The following MTERF2 variants were observed in gnomAD, a reference collection of about 807,000 sequenced individuals.
MTERF2 encodes the protein mitochondrial transcription termination factor 2.
In MTERF2, 23 loss-of-function variants were observed where a neutral mutation model predicts 29.2. The ratio of observed to expected loss-of-function variants is 0.79; its 90% CI spans 0.57 to 1.12. MTERF2 has a LOEUF of 1.12. Among genes scored for constraint, MTERF2 ranks in the 50% most tolerant of loss-of-function variants. The pLI is 0.00. For missense variants in MTERF2, 440 were observed against 429.4 expected, an observed-to-expected ratio of 1.02 and a Z score of -0.22; for synonymous variants, 157 against 159.5, an observed-to-expected ratio of 0.98 and a Z score of 0.12.
intron 1 of MTERF2, 57 bp from the exon 2 acceptor site, chr12:106,985,282 A>AC (rs1282526932): frequency 2.0e-5 from 3 of 152,394 alleles, no homozygotes; most frequent in Admixed American, 1.3e-4. Flanking sequence ...GAAATGCCTT[A>AC]CCATGGCCTA....
At position 106,983,367 on chromosome 12, in the gene MTERF2, T is replaced by C. The variant is rs1162795446; in HGVS notation, c.-58+1748A>G. Among the ~76,000 whole-genome samples the C allele has an allele frequency of 2.0e-5, 3 of 152,218 alleles. No homozygotes were observed. In the East Asian group the frequency reaches 5.8e-4, roughly 29 times the overall value. On this transcript the variant is annotated intron_variant, in intron 2 of 2. Coordinates refer to ENST00000240050, the MANE Select transcript of MTERF2 (RefSeq NM_001033050.3). ...CTATTTTACTTTCTGTCTCTATGAA[T>C]TTGCCTATTCTAGGTACTTTTTATA...
At position 106,977,653 on chromosome 12, in the gene MTERF2, T is replaced by G. The variant is rs1490352219; in HGVS notation, c.1062A>C (p.Gly354=). The part of the protein sequence containing the change: ...IKDGHLANLN[G]SKKEFEANFG... The stretch of plus-strand genomic sequence containing the variant: ...AATTAGCTTCAAACTCTTTTTTTGA[T>G]CCATTTAGATTTGCTAGATGTCCAT... Residue 354 remains glycine, a synonymous_variant, in exon 3 of 3, where the codon GGA becomes GGC. Transcript: ENST00000240050. 1 of 1,614,036 alleles carries G rather than the reference T, an allele frequency of 6.2e-7. No homozygotes were observed. Among genetic ancestry groups the G allele is most frequent in the Non-Finnish European group, 8.5e-7 (1 of 1,179,958 alleles).
chr12:106,986,720 T>C (rs1952122369), intron 1 of MTERF2: 1 of 152,292 alleles, frequency 6.6e-6, no homozygotes. Context: ...AGTTCTTCTT[T>C]CGTAACACAT....
chr12:106,984,520 G>T (rs1338259919), intron 2 of MTERF2, among the ~76,000 whole-genome samples: 1 of 152,116 alleles, frequency 6.6e-6, no homozygotes, highest in Non-Finnish European at 1.5e-5. Flanking sequence ...GCATCCCAAA[G>T]TGTCGATTAC....
intron 2 of MTERF2, among the ~76,000 whole-genome samples, chr12:106,979,111 T>A (rs1038699688): frequency 6.6e-6 from 1 of 152,188 alleles, no homozygotes; most frequent in East Asian, 1.9e-4. Context: ...TTGAGTTACT[T>A]CCATTTTACA....
At chr12:106,986,265 C>T (rs1375721676) in intron 1 of MTERF2, 2 of 152,176 alleles carry the variant, frequency 1.3e-5, no homozygotes, top group South Asian at 2.1e-4. Context: ...CCTCTCTGAG[C>T]CTCAGTTTGG....
chr12:106,979,482 G>T (rs1413186255), intron 2 of MTERF2, among the ~76,000 whole-genome samples: 1 of 152,236 alleles, frequency 6.6e-6, no homozygotes, highest in Non-Finnish European at 1.5e-5. Flanking sequence ...AGAATAAGTT[G>T]TAATTCCAGC....
intron 1 of MTERF2, chr12:106,985,640 C>G (rs1041544256): frequency 6.6e-6 from 1 of 152,266 alleles, no homozygotes; most frequent in Non-Finnish European, 1.5e-5. Context: ...CCACAGTGTT[C>G]CAATGAACTG....
intron 1 of MTERF2, 118 bp downstream of exon 1, chr12:106,986,851 A>G (rs1201564902): frequency 1.3e-5 from 2 of 152,302 alleles, no homozygotes; most frequent in African/African-American, 2.4e-5. Flanking sequence ...CCGCTTTTCC[A>G]GAGAAACCCG....
intron 2 of MTERF2, among the ~76,000 whole-genome samples, chr12:106,979,582 A>G (rs546169164): frequency 6.6e-6 from 1 of 152,298 alleles, no homozygotes; most frequent in African/African-American, 2.4e-5. Flanking sequence ...TCTACTAAAC[A>G]TACAAAAATT....
chr12:106,985,129 CCA>C lies in MTERF2; in HGVS notation c.-74_-73del, dbSNP rs1396513132. ...CTTCTTCTTACCTTACAGTCTCTCC[CCA>C]CAGATCTTGTCCTCATCCAGATATT... On this transcript the variant is annotated 5_prime_UTR_variant, in exon 2 of 3. It introduces an in-frame stop codon into an upstream open reading frame of the 5' UTR. Transcript: ENST00000240050. 1 of 152,328 alleles carries C rather than the reference CCA, an allele frequency of 6.6e-6. No individual in the cohort carries two copies. The highest frequency in any genetic ancestry group is 1.5e-5 in the Non-Finnish European group (1 of 68,126). 9.4% of individuals were successfully genotyped at this position (152,328 alleles called of 1,614,324 possible).
chr12:106,979,422 TTTG>T lies in MTERF2; in HGVS notation c.-57-654_-57-652del, dbSNP rs1371113329. Among the ~76,000 whole-genome samples, 3 of 152,216 alleles carry T rather than the reference TTTG, an allele frequency of 2.0e-5. No individual in the cohort carries two copies. In the East Asian group the frequency reaches 5.8e-4, roughly 29 times the overall value. ...TTAAATGAGTTAATAAATGGATTTT[TTTG>T]TTTTTAGAATTATGTGAGCAAAACT... On this transcript the variant is annotated intron_variant, in intron 2 of 2. Transcript: ENST00000240050.
Position 106,978,745 on chromosome 12 carries a change from C to T in MTERF2, c.-31G>A. The T allele has an allele frequency of 6.3e-7, 1 of 1,584,190 alleles. No individual in the cohort carries two copies. The highest frequency in any genetic ancestry group is 1.9e-5 in the Admixed American group (1 of 53,546). ...CAATCTACTAGCTAGTTTCCACCGT[C>T]CTGGGACTTAAATGGACTCATTCTA... On this transcript the variant is annotated 5_prime_UTR_variant, in exon 3 of 3. Transcript: ENST00000240050.
intron 2 of MTERF2, among the ~76,000 whole-genome samples, chr12:106,983,469 G>C (rs538694983): frequency 3.9e-5 from 6 of 152,258 alleles, no homozygotes; most frequent in African/African-American, 1.4e-4. Flanking sequence ...TCATATTACA[G>C]TATCTGTTAG....
At chr12:106,979,848 C>T (rs901717412) in intron 2 of MTERF2, among the ~76,000 whole-genome samples, 1 of 152,040 alleles carries the variant, frequency 6.6e-6, no homozygotes, top group Non-Finnish European at 1.5e-5. Context: ...TGGCAGGACC[C>T]GAGAATTAGA....
chr12:106,980,577 ATTTCT>A (rs1420721653), intron 2 of MTERF2: 1 of 152,164 alleles, frequency 6.6e-6, no homozygotes, highest in Non-Finnish European at 1.5e-5. Flanking sequence ...CTTCACCACT[ATTTCT>A]TTTGTCTCTG....
At position 106,977,594 on chromosome 12, in the gene MTERF2, A is replaced by T; in HGVS notation, c.1121T>A (p.Leu374Ter). ...GKIQAKKVRPLFNPVAPLNVE... is the reference protein window; with the variant it reads ...GKIQAKKVRP ...ATTTAATGGTGCCACAGGGTTAAAT[A>T]ATGGCCTTACTTTTTTGGCCTGAAT... The change falls in exon 3 of 3, where the codon TTA (leucine) becomes TAA (stop). Residue 374 changes from leucine to a stop codon, truncating the protein, a stop_gained. Coordinates refer to ENST00000240050, the MANE Select transcript of MTERF2 (RefSeq NM_001033050.3). LOFTEE classifies it high-confidence loss of function. The T allele has an allele frequency of 6.2e-7, 1 of 1,613,432 alleles. No homozygotes were observed. The highest frequency in any genetic ancestry group is 8.5e-7 in the Non-Finnish European group (1 of 1,179,694).
rs755395812 is a variant in MTERF2 at position 106,978,408 on chromosome 12, C to T, written c.307G>A (p.Glu103Lys). The T allele has an allele frequency of 9.9e-6, 16 of 1,614,208 alleles. No individual in the cohort carries two copies. The highest frequency in any genetic ancestry group is 1.3e-5 in the African/African-American group (1 of 75,046). The part of the protein sequence containing the change: ...AVASILERCP[E>K]AIVCSPTAVN... ...GCGGTTGGACTACAGACAATTGCTT[C>T]CGGGCAGCGTTCCAAAATACTGGCT... The change falls in exon 3 of 3, where the codon GAA becomes AAA. Residue 103 changes from glutamate to lysine, a missense_variant. Coordinates refer to ENST00000240050, the MANE Select transcript of MTERF2 (RefSeq NM_001033050.3).
chr12:106,982,776 A>T (rs1009478046), intron 2 of MTERF2, among the ~76,000 whole-genome samples: 1 of 152,206 alleles, frequency 6.6e-6, no homozygotes, highest in Non-Finnish European at 1.5e-5. Flanking sequence ...TGAAGAGGAG[A>T]TACGTGAACA....
Sources: gnomAD v4.1 joint callset for allele counts (sites outside exome capture counted in the v4.1 genomes callset) on GRCh38, gnomAD v4.1.1 for gene constraint, MANE v1.5 for transcripts, NCBI Gene and HGNC (gene_info 2026-07-23, HGNC 2026-07-21) for gene names.